VCAM1: variants seen among roughly 807,000 people sequenced by gnomAD.
VCAM1 encodes the protein vascular cell adhesion molecule 1.
Under a neutral mutation model 63.8 loss-of-function variants are expected in VCAM1, and 41 were observed. That is an observed-to-expected ratio of 0.64 (90% CI 0.50 to 0.83). The LOEUF (loss-of-function observed/expected upper bound fraction) is 0.83. Ranked by LOEUF, VCAM1 falls within the 40% of genes least tolerant of loss-of-function variation. The pLI is 0.00. For synonymous variants in VCAM1, 338 were observed against 320.7 expected (o/e 1.05, Z -0.58); for missense variants, 798 against 875.5 (o/e 0.91, Z 1.12).
At chr1:100,724,297 A>G (rs988416732) in intron 3 of VCAM1, among the ~76,000 whole-genome samples, 1 of 152,040 alleles carries the variant, frequency 6.6e-6, no homozygotes, top group Non-Finnish European at 1.5e-5. Context: ...TGATTCTCTC[A>G]GTAAATGTTG....
At chr1:100,729,512 C>G in intron 5 of VCAM1, 130 bp downstream of exon 5, 1 of 1,170,798 alleles carries the variant, frequency 8.5e-7, no homozygotes, top group Non-Finnish European at 1.2e-6. Flanking sequence ...AATTTTGTTC[C>G]TAAATCTGAA....
intron 8 of VCAM1, chr1:100,735,671 T>C (rs1015398069): frequency 2.6e-5 from 4 of 152,250 alleles, no homozygotes; most frequent in African/African-American, 7.2e-5. Context: ...TTTCTCAAAA[T>C]GGCAAGCCTT....
At chr1:100,722,900 T>G in intron 2 of VCAM1, 120 bp from the exon 3 acceptor site, 1 of 1,124,708 alleles carries the variant, frequency 8.9e-7, no homozygotes, top group East Asian at 2.6e-5. Context: ...CAAACAGTTC[T>G]GTCGTATTAA....
chr1:100,731,029 A>G lies in VCAM1; in HGVS notation c.1205-169A>G, dbSNP rs1314093473. Among the ~76,000 whole-genome samples the G allele has an allele frequency of 6.6e-6, 1 of 152,160 alleles. No homozygotes were observed. The highest frequency in any genetic ancestry group is 1.5e-5 in the Non-Finnish European group (1 of 68,004). Reference sequence around the variant, plus strand: ...TTTGTTTCTAACATTATTCATATATAATATCATAAATATGTCATTTATAAA... The same window carrying G: ...TTTGTTTCTAACATTATTCATATATGATATCATAAATATGTCATTTATAAA... On this transcript the variant is annotated intron_variant, in intron 5 of 8. Transcript: ENST00000294728. This position sits in a 1 kb window ranked among gnomAD's most constrained non-coding sequence, Gnocchi z 4.2.
chr1:100,720,616 G>T lies in VCAM1; in HGVS notation c.205G>T (p.Gly69Trp). The T allele has an allele frequency of 1.9e-6, 3 of 1,613,200 alleles. No individual in the cohort carries two copies. The highest frequency in any genetic ancestry group is 2.5e-6 in the Non-Finnish European group (3 of 1,179,538). Reference sequence around the variant, plus strand: ...AACCCAGATAGATAGTCCACTGAATGGGAAGGTGACGAATGAGGGGACCAC... The same window carrying T: ...AACCCAGATAGATAGTCCACTGAATTGGAAGGTGACGAATGAGGGGACCAC... ...WRTQIDSPLN[G>W]KVTNEGTTST... Residue 69 changes from glycine (G) to tryptophan (W), a missense_variant, in exon 2 of 9, where the codon GGG becomes TGG. Gly to Trp is a radical substitution (Grantham distance 184). Transcript: ENST00000294728.
chr1:100,727,724 C>A (rs999693993), intron 4 of VCAM1, among the ~76,000 whole-genome samples: 3 of 151,998 alleles, frequency 2.0e-5, no homozygotes, highest in African/African-American at 4.8e-5. Context: ...GACAGGCAGT[C>A]GATCTGTTTT....
Position 100,719,793 on chromosome 1 carries a change from G to T in VCAM1, c.-68G>T, listed in dbSNP as rs1553218254. ...CTTCAGGAGCTGAATACCCTCCCAG[G>T]CACACACAGGTGGGACACAAATAAG... On this transcript the variant is annotated 5_prime_UTR_variant, in exon 1 of 9. Coordinates refer to ENST00000294728, the MANE Select transcript of VCAM1 (RefSeq NM_001078.4). 24 of 1,540,036 alleles carry T rather than the reference G, an allele frequency of 1.6e-5. No individual in the cohort carries two copies. In the South Asian group the frequency reaches 2.3e-4, roughly 15 times the overall value.
chr1:100,736,214 G>C (rs1213230303), intron 8 of VCAM1: 1 of 152,052 alleles, frequency 6.6e-6, no homozygotes, highest in Non-Finnish European at 1.5e-5. Flanking sequence ...TTACACAGTT[G>C]CTACTTTTTA....
chr1:100,734,626 G>C lies in VCAM1; in HGVS notation c.1917G>C (p.Ala639=), dbSNP rs765111602. ...CATGGATAATCCTGAAGAAAAAAGC[G>C]GAGACAGGAGACACAGTACTAAAAT... is the stretch of plus-strand genomic sequence containing the variant. ...PETWIILKKK[A]ETGDTVLKSI... is the part of the protein sequence containing the mutation. Residue 639 remains alanine (A), a synonymous_variant, in exon 8 of 9, where the codon GCG becomes GCC. Coordinates refer to ENST00000294728, the MANE Select transcript of VCAM1 (RefSeq NM_001078.4). The C allele has an allele frequency of 6.2e-7, 1 of 1,613,794 alleles. No individual in the cohort carries two copies. The highest frequency in any genetic ancestry group is 1.3e-5 in the African/African-American group (1 of 74,884).
At position 100,719,880 on chromosome 1, in the gene VCAM1, T is replaced by C; in HGVS notation, c.20T>C (p.Val7Ala). 1 of 1,612,106 alleles carries C rather than the reference T, an allele frequency of 6.2e-7. No homozygotes were observed. The highest frequency in any genetic ancestry group is 8.5e-7 in the Non-Finnish European group (1 of 1,178,642). ...CTTAAAATGCCTGGGAAGATGGTCGTGATCCTTGGAGCCTCAAATATACTT... is the reference window on the plus strand; with the variant it reads ...CTTAAAATGCCTGGGAAGATGGTCGCGATCCTTGGAGCCTCAAATATACTT... MPGKMV[V>A]ILGASNILWI... Residue 7 changes from valine to alanine, a missense_variant, in exon 1 of 9, where the codon GTG (valine) becomes GCG (alanine). Val to Ala is a moderately conservative substitution (Grantham distance 64, BLOSUM62 0). Coordinates refer to ENST00000294728, the MANE Select transcript of VCAM1 (RefSeq NM_001078.4).
Position 100,724,841 on chromosome 1 carries a change from A to G in VCAM1, c.879A>G (p.Gly293=), listed in dbSNP as rs780616017. The G allele has an allele frequency of 8.7e-6, 14 of 1,612,736 alleles. No individual in the cohort carries two copies. The highest frequency in any genetic ancestry group is 1.2e-5 in the Non-Finnish European group (14 of 1,179,300). The part of the protein sequence containing the change: ...MEDSGIYVCE[G]VNLIGKNRKE... ...ATTCTGGAATTTATGTGTGTGAAGG[A>G]GTTAATTTGATTGGGAAAAACAGAA... Residue 293 remains glycine, a synonymous_variant, in exon 4 of 9, where the codon GGA becomes GGG. Coordinates refer to ENST00000294728, the MANE Select transcript of VCAM1 (RefSeq NM_001078.4).
At chr1:100,729,478 T>TC in intron 5 of VCAM1, 96 bp downstream of exon 5, 1 of 1,408,044 alleles carries the variant, frequency 7.1e-7, no homozygotes, top group Non-Finnish European at 9.4e-7. Context: ...ATCCTTATGT[T>TC]TAGAAAAGGA....
chr1:100,731,127 A>G lies in VCAM1; in HGVS notation c.1205-71A>G. The G allele has an allele frequency of 6.8e-7, 1 of 1,479,384 alleles. No homozygotes were observed. Among genetic ancestry groups the G allele is most frequent in the East Asian group, 2.3e-5 (1 of 42,980 alleles). The allele number at this position is 1,479,384 out of a possible 1,614,324, so 91.6% of individuals were successfully genotyped here. A position where few individuals can be genotyped will look rare whatever the true frequency, so the allele number is the denominator to read the frequency against. On this transcript the variant is annotated intron_variant, in intron 5 of 8. Transcript: ENST00000294728. The surrounding 1 kb of genome is among the most constrained non-coding windows in gnomAD (Gnocchi z 4.2). ...AAAGCTGTCATTTTTAGGCCTTTAC[A>G]TTTAATAAAGCTTAGCTCAATTTTT...
chr1:100,730,858 G>A (rs984448822), intron 5 of VCAM1, among the ~76,000 whole-genome samples: 2 of 152,092 alleles, frequency 1.3e-5, no homozygotes, highest in African/African-American at 2.4e-5. Context: ...ATTTTAAAAT[G>A]TGAAATATAT....
Position 100,734,581 on chromosome 1 carries a change from A to G in VCAM1, c.1872A>G (p.Thr624=), listed in dbSNP as rs772791510. 11 of 1,613,794 alleles carry G rather than the reference A, an allele frequency of 6.8e-6. No individual in the cohort carries two copies. The highest frequency in any genetic ancestry group is 1.1e-5 in the South Asian group (1 of 91,080). ...GAGACACTGTCATCATCTCTTGTAC[A>G]TGTGGAAATGTTCCAGAAACATGGA... ...KEGDTVIISC[T]CGNVPETWII... Residue 624 remains threonine, a synonymous_variant, in exon 8 of 9, where the codon ACA becomes ACG. Transcript: ENST00000294728.
chr1:100,738,109 T>G lies in VCAM1; in HGVS notation c.2060-14T>G, dbSNP rs1660721723. The G allele has an allele frequency of 5.6e-6, 9 of 1,611,230 alleles. No homozygotes were observed. Among genetic ancestry groups the G allele is most frequent in the Non-Finnish European group, 7.6e-6 (9 of 1,178,922 alleles). ...GTACTAGACATTAATTGCATCCATT[T>G]TGTTATTTTCCAGGAAGAGAAAACA... On this transcript the variant is annotated splice_polypyrimidine_tract_variant and intron_variant, in intron 8 of 8. Coordinates refer to ENST00000294728, the MANE Select transcript of VCAM1 (RefSeq NM_001078.4).
At chr1:100,719,964 C>A in intron 1 of VCAM1, 40 bp downstream of exon 1, 1 of 1,596,334 alleles carries the variant, frequency 6.3e-7, no homozygotes, top group South Asian at 1.1e-5. Context: ...TGTTAGCATT[C>A]AATTTTAGCC....
intron 7 of VCAM1, among the ~76,000 whole-genome samples, chr1:100,733,205 A>G (rs891139169): frequency 6.6e-6 from 1 of 152,208 alleles, no homozygotes; most frequent in Admixed American, 6.5e-5. Context: ...AGATTAAGTC[A>G]ACAGATCTAG....
intron 7 of VCAM1, 100 bp from the exon 8 acceptor site, chr1:100,734,402 A>G (rs754231460): frequency 2.3e-5 from 30 of 1,327,510 alleles, no homozygotes; most frequent in Non-Finnish European, 3.0e-5. Flanking sequence ...AACGCTAAGC[A>G]CAAATAGCTC....
Sources: allele counts gnomAD v4.1 joint callset (sites outside exome capture counted in the v4.1 genomes callset), GRCh38; gene constraint gnomAD v4.1.1; non-coding constraint Gnocchi (gnomAD v3.1); transcripts MANE v1.5; gene names NCBI Gene and HGNC (gene_info 2026-07-23, HGNC 2026-07-21).